STK4: variants seen among roughly 807,000 people sequenced by gnomAD.
STK4 encodes serine/threonine-protein kinase 4.
A neutral mutation model predicts 64.9 loss-of-function variants in STK4; 30 were observed. The observed-to-expected ratio is 0.46, with a 90% CI of 0.35 to 0.63. The LOEUF is 0.63. STK4 is among the 20% of genes least tolerant of loss of function. The pLI is 0.01. For missense variants in STK4, 466 were observed against 598.5 expected, an observed-to-expected ratio of 0.78 and a Z score of 2.31; for synonymous variants, 177 against 199.0, an observed-to-expected ratio of 0.89 and a Z score of 0.93.
At chr20:44,984,691 A>G (rs753318421) in intron 4 of STK4, among the ~76,000 whole-genome samples, 2 of 152,270 alleles carry the variant, frequency 1.3e-5, no homozygotes, top group African/African-American at 2.4e-5. Flanking sequence ...ATTGTAAACA[A>G]AAATCTTTGA....
chr20:44,997,254 A>T lies in STK4; in HGVS notation c.779A>T (p.Gln260Leu). 6.2e-7 allele frequency: 1 copy of T among 1,613,814 alleles called. No homozygotes were observed. Residue 260 changes from glutamine (Q) to leucine (L), a missense_variant, in exon 7 of 11, where the codon CAG (glutamine) becomes CTG (leucine). Physicochemically the swap from Gln to Leu is moderately radical, Grantham distance 113. Coordinates refer to ENST00000372806, the MANE Select transcript of STK4 (RefSeq NM_006282.5). The stretch of plus-strand genomic sequence containing the variant: ...GATAACTTTACAGATTTTGTGAAAC[A>T]GTGTCTTGTAAAGAGCCCTGAGCAG... ...WSDNFTDFVK[Q>L]CLVKSPEQRA... is the part of the protein sequence containing the mutation.
chr20:45,046,086 C>T (rs1264852221), intron 10 of STK4, among the ~76,000 whole-genome samples: 5 of 152,008 alleles, frequency 3.3e-5, no homozygotes, highest in African/African-American at 1.2e-4. Context: ...GGATTATAGG[C>T]CTGAGCCACC....
At chr20:45,002,236 A>G (rs963969318) in intron 9 of STK4, among the ~76,000 whole-genome samples, 1 of 152,182 alleles carries the variant, frequency 6.6e-6, no homozygotes, top group Non-Finnish European at 1.5e-5. Flanking sequence ...AACTAGGCCA[A>G]CCTGTTAGTA....
At chr20:45,014,826 A>C (rs960837936) in intron 9 of STK4, among the ~76,000 whole-genome samples, 1 of 152,186 alleles carries the variant, frequency 6.6e-6, no homozygotes, top group Non-Finnish European at 1.5e-5. Flanking sequence ...TCCAGGCTTA[A>C]TAGGTCAATG....
chr20:45,007,146 T>G (rs987182400), intron 9 of STK4, among the ~76,000 whole-genome samples: 1 of 152,206 alleles, frequency 6.6e-6, no homozygotes, highest in Non-Finnish European at 1.5e-5. Context: ...CTTAACTGTC[T>G]ACAGAGATGA....
chr20:45,004,760 TTTTTTTC>T (rs1187595257), intron 9 of STK4, among the ~76,000 whole-genome samples: 4 of 150,872 alleles, frequency 2.7e-5, no homozygotes, highest in East Asian at 1.9e-4. Context: ...TTCTCCTTTT[TTTTTTTC>T]TTTTTTCTTT....
chr20:45,052,174 A>G (rs528246053), intron 10 of STK4, among the ~76,000 whole-genome samples: 26 of 152,224 alleles, frequency 1.7e-4, no homozygotes, highest in African/African-American at 5.8e-4. Context: ...ATAATGTTAC[A>G]ATGCTATTTT....
intron 9 of STK4, among the ~76,000 whole-genome samples, chr20:45,006,692 A>G (rs558020695): frequency 6.6e-6 from 1 of 152,270 alleles, no homozygotes; most frequent in East Asian, 1.9e-4. Flanking sequence ...ATTATTTCTC[A>G]GTTCCACATT....
intron 10 of STK4, among the ~76,000 whole-genome samples, chr20:45,031,171 CG>C (rs1438017892): frequency 1.2e-4 from 15 of 127,032 alleles, no homozygotes; most frequent in African/African-American, 4.2e-4. Flanking sequence ...GTAATAATAG[CG>C]AATTTTTTTT....
intron 10 of STK4, among the ~76,000 whole-genome samples, chr20:45,066,105 A>G (rs1030618415): frequency 6.6e-6 from 1 of 152,072 alleles, no homozygotes; most frequent in Non-Finnish European, 1.5e-5. Context: ...TCATAGGTAT[A>G]TATGTATAGG....
intron 9 of STK4, among the ~76,000 whole-genome samples, chr20:45,023,693 C>A (rs542980549): frequency 6.6e-6 from 1 of 152,116 alleles, no homozygotes; most frequent in East Asian, 1.9e-4. Flanking sequence ...GCTCTTGTTA[C>A]TAATAACTAA....
chr20:45,023,416 G>C (rs956636345), intron 9 of STK4, among the ~76,000 whole-genome samples: 4 of 152,106 alleles, frequency 2.6e-5, no homozygotes, highest in Non-Finnish European at 5.9e-5. Context: ...TAGACCAAGG[G>C]TGCCTGGAGA....
intron 10 of STK4, among the ~76,000 whole-genome samples, chr20:45,030,724 A>G (rs143037867): frequency 0.016 from 2,423 of 152,312 alleles, 37 homozygotes; most frequent in Middle Eastern, 0.024. Context: ...TAAAAATGCA[A>G]TAGTCTCTAA....
At chr20:44,966,738 G>GC (rs2067157341) in intron 1 of STK4, 135 bp downstream of exon 1, 3 of 1,050,932 alleles carry the variant, frequency 2.9e-6, no homozygotes, top group Middle Eastern at 2.6e-4. Flanking sequence ...TGAGTGAGGG[G>GC]GGGGACGTCT....
At chr20:45,052,722 C>T (rs1431063271) in intron 10 of STK4, among the ~76,000 whole-genome samples, 1 of 152,166 alleles carries the variant, frequency 6.6e-6, no homozygotes, top group Admixed American at 6.5e-5. Flanking sequence ...AGACTCTTGC[C>T]ACCACCTTTC....
intron 10 of STK4, among the ~76,000 whole-genome samples, chr20:45,073,593 C>T (rs1046666781): frequency 1.3e-5 from 2 of 152,158 alleles, no homozygotes; most frequent in Non-Finnish European, 2.9e-5. Flanking sequence ...TCTTGTAAGA[C>T]TTTGAGTTCT....
intron 10 of STK4, among the ~76,000 whole-genome samples, chr20:45,032,820 T>C (rs1410321577): frequency 6.6e-6 from 1 of 152,216 alleles, no homozygotes; most frequent in Non-Finnish European, 1.5e-5. Context: ...ACAGTAATTC[T>C]CTTTTAAGTT....
intron 9 of STK4, among the ~76,000 whole-genome samples, chr20:45,003,044 T>A (rs1325108374): frequency 6.6e-6 from 1 of 152,176 alleles, no homozygotes; most frequent in Non-Finnish European, 1.5e-5. Context: ...AGGGTCTTGT[T>A]CTTGCCCAGG....
intron 10 of STK4, among the ~76,000 whole-genome samples, chr20:45,031,854 G>A (rs1037415856): frequency 7.1e-6 from 1 of 141,476 alleles, no homozygotes; most frequent in Non-Finnish European, 1.5e-5. Context: ...GCAGTGAGCC[G>A]AGATCATGCC....
Sources: allele counts gnomAD v4.1 joint callset (sites outside exome capture counted in the v4.1 genomes callset), GRCh38; gene constraint gnomAD v4.1.1; transcripts MANE v1.5; gene names NCBI Gene and HGNC (gene_info 2026-07-23, HGNC 2026-07-21).